B4GALNT2: variants seen among roughly 807,000 people sequenced by gnomAD.
B4GALNT2 encodes the protein beta-1,4-N-acetyl-galactosaminyltransferase 2 (SID blood group).
B4GALNT2 carries 42 observed loss-of-function variants against 51.1 expected under a neutral mutation model. The observed-to-expected ratio is 0.82, with a 90% CI of 0.64 to 1.06. The LOEUF is 1.06. Among genes scored for constraint, B4GALNT2 ranks in the 50% least tolerant of loss-of-function variants. The probability of loss-of-function intolerance (pLI) is 0.00; values close to 1 mark genes in which losing one functional copy is unlikely to be tolerated. For synonymous variants in B4GALNT2, 253 were observed against 251.7 expected, an observed-to-expected ratio of 1.01 and a Z score of -0.05; for missense variants, 602 against 633.6, an observed-to-expected ratio of 0.95 and a Z score of 0.54.
At chr17:49,140,678 T>C (rs1290263696) in intron 1 of B4GALNT2, among the ~76,000 whole-genome samples, 1 of 152,182 alleles carries the variant, frequency 6.6e-6, no homozygotes, top group African/African-American at 2.4e-5. Flanking sequence ...TTTAATACTC[T>C]TTTTTATTGC....
At chr17:49,144,263 T>C (rs373959334) in intron 3 of B4GALNT2, among the ~76,000 whole-genome samples, 33 of 152,212 alleles carry the variant, frequency 2.2e-4, no homozygotes, top group East Asian at 9.7e-4. Context: ...ACATATGAAT[T>C]TGGGAATTAA....
At chr17:49,135,834 C>A (rs1047805853) in intron 1 of B4GALNT2, among the ~76,000 whole-genome samples, 2 of 151,412 alleles carry the variant, frequency 1.3e-5, no homozygotes, top group African/African-American at 2.4e-5. Context: ...GAGGCCGAGG[C>A]GGGCGGATCA....
chr17:49,146,992 A>G (rs1464705363), intron 3 of B4GALNT2, among the ~76,000 whole-genome samples: 1 of 152,236 alleles, frequency 6.6e-6, no homozygotes, highest in Non-Finnish European at 1.5e-5. Context: ...TCTCTGGAGT[A>G]TATACAGGAG....
chr17:49,130,961 C>A (rs535674611), upstream of B4GALNT2, among the ~76,000 whole-genome samples: 55 of 152,310 alleles, frequency 3.6e-4, no homozygotes, highest in Admixed American at 1.4e-3. Flanking sequence ...GTATACAACC[C>A]TTTCACAGAA....
chr17:49,125,483 C>A, the B4GALNT2 span, among the ~76,000 whole-genome samples: 25 of 152,226 alleles, frequency 1.6e-4, no homozygotes, highest in Middle Eastern at 0.01. Context: ...TAATTATGCA[C>A]TAGGTGTAGA....
At position 49,171,476 on chromosome 17, in the gene B4GALNT2, C is replaced by G. The variant is rs930968694; in HGVS notation, c.*1748C>G. 2.5e-6 allele frequency: 1 copy of G among 392,358 alleles called. No homozygotes were observed. Among genetic ancestry groups the G allele is most frequent in the African/African-American group, 2.1e-5 (1 of 46,780 alleles). The allele number at this position is 392,358 out of a possible 1,614,324, so 24.3% of individuals were successfully genotyped here. On this transcript the variant is annotated 3_prime_UTR_variant, in exon 11 of 11. Coordinates refer to ENST00000393354, the MANE Select transcript of B4GALNT2 (RefSeq NM_001159387.2). Reference sequence around the variant, plus strand: ...AGTTTGTAGAGTGTCCTTCTAGATGCTTTTTTATTCTTTCCCAAATTTTGA... The same window carrying G: ...AGTTTGTAGAGTGTCCTTCTAGATGGTTTTTTATTCTTTCCCAAATTTTGA...
At chr17:49,166,597 A>G (rs2042913717) in intron 9 of B4GALNT2, among the ~76,000 whole-genome samples, 1 of 152,196 alleles carries the variant, frequency 6.6e-6, no homozygotes, top group African/African-American at 2.4e-5. Flanking sequence ...ACACAACATT[A>G]AAAACAGTAT....
chr17:49,148,414 TC>T, intron 3 of B4GALNT2: 1 of 306,352 alleles, frequency 3.3e-6, no homozygotes, highest in East Asian at 1.1e-4. Flanking sequence ...AGCCTCAGCC[TC>T]GGCATTCTTG....
In B4GALNT2 at chr17:49,141,379, G is replaced by A. The variant is rs141409265; in HGVS notation, c.147G>A (p.Pro49=). 1,914 of 1,614,008 alleles carry A rather than the reference G, an allele frequency of 1.2e-3. 2 individuals carry two copies. The highest frequency in any genetic ancestry group is 1.4e-3 in the Non-Finnish European group (1,685 of 1,180,026). The change falls in exon 2 of 11, where the codon CCG becomes CCA. Residue 49 remains proline (P), a synonymous_variant. Coordinates refer to ENST00000393354, the MANE Select transcript of B4GALNT2 (RefSeq NM_001159387.2). ...AGCCAGAACTCCCAAGTCCTGCCCC[G>A]GGTGTCCAGAAGCTGAAGCTTCTGC... ...SPKPELPSPA[P]GVQKLKLLPE... is the part of the protein sequence containing the mutation.
At chr17:49,157,809 G>A (rs149395860) in intron 5 of B4GALNT2, among the ~76,000 whole-genome samples, 7 of 152,116 alleles carry the variant, frequency 4.6e-5, no homozygotes, top group African/African-American at 1.7e-4. Flanking sequence ...TCCCTGCTGC[G>A]CGTAGTTCCA....
At chr17:49,141,933 A>T (rs2042647607) in intron 2 of B4GALNT2, 102 bp from the exon 3 acceptor site, 1 of 1,462,488 alleles carries the variant, frequency 6.8e-7, no homozygotes, top group Non-Finnish European at 9.4e-7. Context: ...GTAGGAAAGA[A>T]GATTTTCAGG....
the B4GALNT2 span, among the ~76,000 whole-genome samples, chr17:49,123,303 C>T: frequency 6.6e-6 from 1 of 152,202 alleles, no homozygotes; most frequent in African/African-American, 2.4e-5. Flanking sequence ...GGCTTATAGG[C>T]AGCACCTGCT....
chr17:49,152,696 C>T lies in B4GALNT2; in HGVS notation c.354-104C>T, dbSNP rs2042770558. The T allele has an allele frequency of 1.8e-5, 14 of 773,782 alleles. 2 individuals are homozygous for T. The highest frequency in any genetic ancestry group is 1.7e-4 in the South Asian group (9 of 51,816). The allele number at this position is 773,782 out of a possible 1,614,324, so 47.9% of individuals were successfully genotyped here. A position where few individuals can be genotyped will look rare whatever the true frequency, so the allele number is the denominator to read the frequency against. ...GACAGGGACAACCCAATTTTGATTTCTCCATATTGTCAGGGCAAGGCTCTG... is the reference window on the plus strand; with the variant it reads ...GACAGGGACAACCCAATTTTGATTTTTCCATATTGTCAGGGCAAGGCTCTG... On this transcript the variant is annotated intron_variant, in intron 3 of 10. Transcript: ENST00000393354.
At position 49,176,122 on chromosome 17, in the gene B4GALNT2, C is replaced by T. The variant is rs1427715452; in HGVS notation, c.*6394C>T. ...GATTGCTTAAGGGTACTCGGGTGTC[C>T]TCCAGCTTAGTTCCACATTCTCCAA... On this transcript the variant is annotated 3_prime_UTR_variant, in exon 11 of 11. Coordinates refer to ENST00000393354, the MANE Select transcript of B4GALNT2 (RefSeq NM_001159387.2). 1 of 152,230 alleles carries T rather than the reference C, an allele frequency of 6.6e-6. No individual in the cohort carries two copies. The highest frequency in any genetic ancestry group is 1.5e-5 in the Non-Finnish European group (1 of 68,060). 9.4% of individuals were successfully genotyped at this position (152,230 alleles called of 1,614,324 possible). A position where few individuals can be genotyped will look rare whatever the true frequency, so the allele number is the denominator to read the frequency against.
chr17:49,152,075 T>A (rs113875756), intron 3 of B4GALNT2, among the ~76,000 whole-genome samples: 46 of 151,978 alleles, frequency 3.0e-4, no homozygotes, highest in East Asian at 1.2e-3. Context: ...TGGTTTTTTT[T>A]AAAAAAAATA....
upstream of B4GALNT2, chr17:49,132,640 G>A: frequency 6.0e-6 from 5 of 832,080 alleles, no homozygotes. Context: ...TGGTGTGGGG[G>A]CGGTCAGGAG....
rs754315435 is a variant in B4GALNT2, at chr17:49,142,040, TC to T, written c.224del (p.Pro75ArgfsTer30). ...NLFSYDGIWL[F>X]PKNQCKCEAN... ...AGTCCTCTTGCTTGTTTCAGGCTGT[TC>T]CCGAAAAATCAGTGCAAATGTGAAG... On this transcript the variant is annotated frameshift_variant, in exon 3 of 11. Transcript: ENST00000393354. LOFTEE classifies it high-confidence loss of function. 1.4e-5 allele frequency: 22 copies of T among 1,614,062 alleles called. No individual in the cohort carries two copies. The highest frequency in any genetic ancestry group is 1.9e-5 in the Non-Finnish European group (22 of 1,180,028).
At chr17:49,152,717 C>A in intron 3 of B4GALNT2, 83 bp from the exon 4 acceptor site, 3 of 953,534 alleles carry the variant, frequency 3.1e-6, no homozygotes, top group Non-Finnish European at 3.1e-6. Context: ...CAGGGCAAGG[C>A]TCTGTGCACA....
At chr17:49,155,312 A>G (rs551165058) in intron 4 of B4GALNT2, among the ~76,000 whole-genome samples, 2,588 of 149,322 alleles carry the variant, frequency 0.017, 27 homozygotes, top group Non-Finnish European at 0.028. Context: ...AAAAAAAAAA[A>G]AAAAAAAAGG....
Sources: allele counts gnomAD v4.1 joint callset (sites outside exome capture counted in the v4.1 genomes callset), GRCh38; gene constraint gnomAD v4.1.1; transcripts MANE v1.5; gene names NCBI Gene and HGNC (gene_info 2026-07-23, HGNC 2026-07-21).